Variants in SPATS2L observed in about 807,000 individuals in gnomAD.
SPATS2L encodes SPATS2-like protein.
A neutral mutation model predicts 59.6 loss-of-function variants in SPATS2L; 30 were observed. The ratio of observed to expected loss-of-function variants is 0.50; its 90% CI spans 0.38 to 0.68. SPATS2L has a LOEUF of 0.68. Ranked by LOEUF, SPATS2L falls within the 30% of genes least tolerant of loss-of-function variation. The pLI is 0.00. For synonymous variants in SPATS2L, 252 were observed against 263.5 expected, an observed-to-expected ratio of 0.96 and a Z score of 0.42; for missense variants, 615 against 700.0, an observed-to-expected ratio of 0.88 and a Z score of 1.37.
chr2:200,420,766 A>AT (rs1439043930), intron 6 of SPATS2L, among the ~76,000 whole-genome samples: 4 of 152,092 alleles, frequency 2.6e-5, no homozygotes, highest in African/African-American at 4.8e-5. Flanking sequence ...TTATATATAT[A>AT]TTTTTTTAAA....
intron 6 of SPATS2L, among the ~76,000 whole-genome samples, chr2:200,432,031 T>C (rs1315520045): frequency 3.9e-5 from 6 of 152,214 alleles, no homozygotes. Flanking sequence ...TGAAAAATAA[T>C]TTGGCAAAGC....
At chr2:200,459,863 T>G (rs770853964) in intron 9 of SPATS2L, 36 bp downstream of exon 9, 10 of 1,485,036 alleles carry the variant, frequency 6.7e-6, no homozygotes, top group Non-Finnish European at 8.4e-6. Context: ...GATTAGGAGC[T>G]TCCCAATCAG....
At chr2:200,364,746 G>C (rs2081216173) in intron 2 of SPATS2L, among the ~76,000 whole-genome samples, 13 of 152,098 alleles carry the variant, frequency 8.5e-5, no homozygotes, top group Admixed American at 8.5e-4. Flanking sequence ...ATGTCTGAAG[G>C]CTTGTTGGGG....
chr2:200,326,594 G>GA (rs2105784687), intron 1 of SPATS2L, among the ~76,000 whole-genome samples: 1 of 152,214 alleles, frequency 6.6e-6, no homozygotes, highest in South Asian at 2.1e-4. Context: ...AAATAATTGT[G>GA]GAATCCCTTT....
intron 8 of SPATS2L, among the ~76,000 whole-genome samples, chr2:200,458,298 AAGAG>A (rs1351171203): frequency 6.6e-6 from 1 of 152,234 alleles, no homozygotes; most frequent in African/African-American, 2.4e-5. Flanking sequence ...GATCATAAAA[AAGAG>A]AGATGTCTTT....
intron 1 of SPATS2L, among the ~76,000 whole-genome samples, chr2:200,307,447 C>T (rs1034115883): frequency 3.3e-5 from 5 of 151,986 alleles, no homozygotes; most frequent in African/African-American, 4.8e-5. Context: ...CACTGAACCC[C>T]GCGCCCCTGG....
chr2:200,382,263 C>T (rs1234052819), intron 2 of SPATS2L, among the ~76,000 whole-genome samples: 1 of 152,178 alleles, frequency 6.6e-6, no homozygotes, highest in African/African-American at 2.4e-5. Flanking sequence ...TTAGTAGAGA[C>T]GAGGTTTTGT....
chr2:200,306,673 G>C (rs2079022282), upstream of SPATS2L: 3 of 986,572 alleles, frequency 3.0e-6, no homozygotes, highest in African/African-American at 3.5e-5. Context: ...GAGTGTCCCT[G>C]CGTGGGGCGG....
At chr2:200,470,799 C>G (rs1314407835) in intron 11 of SPATS2L, among the ~76,000 whole-genome samples, 1 of 152,208 alleles carries the variant, frequency 6.6e-6, no homozygotes, top group Non-Finnish European at 1.5e-5. Flanking sequence ...GCTTTTATCA[C>G]TTCACAATCT....
intron 8 of SPATS2L, among the ~76,000 whole-genome samples, chr2:200,454,888 A>G (rs2085729667): frequency 6.6e-6 from 1 of 152,196 alleles, no homozygotes; most frequent in African/African-American, 2.4e-5. Flanking sequence ...ATTTCTGTCA[A>G]GTACTCAGGA....
rs1291309383 is a variant in SPATS2L, at chr2:200,478,472, A to T, written c.*441A>T. ...GAATTTAACATCTGGTGTTTTTCTG[A>T]AAAAATATATATACATATATTGCTT... On this transcript the variant is annotated 3_prime_UTR_variant, in exon 13 of 13. Coordinates refer to ENST00000409140, the MANE Select transcript of SPATS2L (RefSeq NM_001100423.2). 1 of 153,520 alleles carries T rather than the reference A, an allele frequency of 6.5e-6. No homozygotes were observed. The highest frequency in any genetic ancestry group is 1.5e-5 in the Non-Finnish European group (1 of 68,704). 9.5% of individuals were successfully genotyped at this position (153,520 alleles called of 1,614,324 possible).
chr2:200,321,799 A>C (rs1183774079), intron 1 of SPATS2L, among the ~76,000 whole-genome samples: 3 of 152,228 alleles, frequency 2.0e-5, no homozygotes, highest in African/African-American at 4.8e-5. Flanking sequence ...TATGTTCTTT[A>C]CAATAAAATT....
intron 8 of SPATS2L, among the ~76,000 whole-genome samples, chr2:200,453,039 C>G (rs955329014): frequency 6.6e-6 from 1 of 152,064 alleles, no homozygotes; most frequent in Non-Finnish European, 1.5e-5. Flanking sequence ...TAGCCAAGGA[C>G]TGGGTAATGT....
chr2:200,424,462 C>A (rs1414853055), intron 6 of SPATS2L, among the ~76,000 whole-genome samples: 1 of 152,118 alleles, frequency 6.6e-6, no homozygotes, highest in Non-Finnish European at 1.5e-5. Context: ...GCACTCTAGC[C>A]TGGGGTACAG....
intron 8 of SPATS2L, among the ~76,000 whole-genome samples, chr2:200,446,517 C>A (rs999782862): frequency 6.6e-6 from 1 of 152,020 alleles, no homozygotes. Context: ...GAGAGAGTGC[C>A]GCTGGCATCC....
intron 2 of SPATS2L, among the ~76,000 whole-genome samples, chr2:200,362,010 G>A (rs2081123508): frequency 6.6e-6 from 1 of 152,104 alleles, no homozygotes; most frequent in African/African-American, 2.4e-5. Flanking sequence ...GGAGGCCAAG[G>A]CAGGAAGATC....
chr2:200,421,982 C>T (rs1378747774), intron 6 of SPATS2L, among the ~76,000 whole-genome samples: 2 of 152,192 alleles, frequency 1.3e-5, no homozygotes, highest in Non-Finnish European at 2.9e-5. Context: ...AAGTATATGA[C>T]ATTAAAGCAA....
chr2:200,471,399 A>G (rs1414023517), intron 11 of SPATS2L, among the ~76,000 whole-genome samples: 1 of 152,130 alleles, frequency 6.6e-6, no homozygotes, highest in Non-Finnish European at 1.5e-5. Context: ...CAAGACAGTG[A>G]TGCTGAGCGA....
intron 2 of SPATS2L, among the ~76,000 whole-genome samples, chr2:200,360,639 G>A (rs1462429774): frequency 1.3e-5 from 2 of 152,194 alleles, no homozygotes; most frequent in Admixed American, 1.3e-4. Flanking sequence ...TGGGGGAGGG[G>A]AAGCAGGTGG....
Sources: allele counts gnomAD v4.1 joint callset (sites outside exome capture counted in the v4.1 genomes callset), GRCh38; gene constraint gnomAD v4.1.1; transcripts MANE v1.5; gene names NCBI Gene and HGNC (gene_info 2026-07-23, HGNC 2026-07-21).